The following CNOT4 variants were observed in gnomAD, a reference collection of about 807,000 sequenced individuals.
The protein encoded by CNOT4 is CCR4-NOT transcription complex subunit 4, also known as CCR4-associated factor 4.
A neutral mutation model predicts 73.8 loss-of-function variants in CNOT4; 8 were observed. The observed-to-expected ratio is 0.11, with a 90% CI of 0.06 to 0.20. The LOEUF (loss-of-function observed/expected upper bound fraction) is 0.20. CNOT4 is among the 10% of genes least tolerant of loss of function. The probability of loss-of-function intolerance (pLI) is 1.00; values close to 1 mark genes in which losing one functional copy is unlikely to be tolerated. For missense variants in CNOT4, 564 were observed against 883.4 expected, an observed-to-expected ratio of 0.64 and a Z score of 4.58; for synonymous variants, 293 against 321.1, an observed-to-expected ratio of 0.91 and a Z score of 0.94.
chr7:135,417,559 G>C (rs1419345786), intron 3 of CNOT4, among the ~76,000 whole-genome samples: 2 of 152,138 alleles, frequency 1.3e-5, no homozygotes, highest in Non-Finnish European at 2.9e-5. Flanking sequence ...GCCAACGTTT[G>C]GGTGTAACAC....
At chr7:135,422,648 G>A (rs990606268) in intron 2 of CNOT4, among the ~76,000 whole-genome samples, 23 of 152,278 alleles carry the variant, frequency 1.5e-4, no homozygotes, top group Admixed American at 5.9e-4. Context: ...GTGTCCAACA[G>A]AGTTTATGGG....
intron 1 of CNOT4, among the ~76,000 whole-genome samples, chr7:135,508,021 C>G (rs1303509885): frequency 4.6e-5 from 7 of 152,056 alleles, no homozygotes; most frequent in African/African-American, 1.4e-4. Flanking sequence ...TAAAACAGAC[C>G]ATTTATCACA....
At chr7:135,375,019 C>T (rs1795442117) in intron 10 of CNOT4, among the ~76,000 whole-genome samples, 1 of 152,092 alleles carries the variant, frequency 6.6e-6, no homozygotes, top group African/African-American at 2.4e-5. Context: ...AGGCAAATCA[C>T]GAATGATAAC....
intron 1 of CNOT4, among the ~76,000 whole-genome samples, chr7:135,495,567 T>C (rs1585733271): frequency 7.0e-6 from 1 of 142,742 alleles, no homozygotes. Context: ...TGCCAGCTAC[T>C]TGGGAGGCTG....
intron 1 of CNOT4, among the ~76,000 whole-genome samples, chr7:135,453,633 AAAT>A (rs1264848551): frequency 6.6e-6 from 1 of 151,572 alleles, no homozygotes; most frequent in Non-Finnish European, 1.5e-5. Context: ...GTATCTGGGT[AAAT>A]AATGATTTTT....
At chr7:135,399,470 A>G (rs1039479290) in intron 7 of CNOT4, among the ~76,000 whole-genome samples, 1 of 152,124 alleles carries the variant, frequency 6.6e-6, no homozygotes, top group African/African-American at 2.4e-5. Flanking sequence ...CCACCATTGT[A>G]TATGTGGTCC....
chr7:135,509,235 C>A (rs1804573779), intron 1 of CNOT4: 1 of 152,532 alleles, frequency 6.6e-6, no homozygotes, highest in Non-Finnish European at 1.5e-5. Flanking sequence ...GGAGCATAAT[C>A]TAGATACTTA....
chr7:135,409,653 A>G (rs1374364016), intron 7 of CNOT4, among the ~76,000 whole-genome samples: 1 of 152,132 alleles, frequency 6.6e-6, no homozygotes, highest in African/African-American at 2.4e-5. Context: ...CCTAGACATT[A>G]GGACAACATT....
intron 7 of CNOT4, among the ~76,000 whole-genome samples, chr7:135,402,007 C>T (rs375415985): frequency 3.9e-4 from 59 of 151,990 alleles, no homozygotes; most frequent in East Asian, 3.1e-3. Context: ...AATCCCTGTA[C>T]ATAAAAATTC....
chr7:135,395,914 A>G (rs368236968), intron 8 of CNOT4, 31 bp from the exon 9 acceptor site: 4 of 1,453,960 alleles, frequency 2.8e-6, no homozygotes, highest in Admixed American at 3.5e-5. Context: ...AATAATAACT[A>G]CATGTTTATA....
At chr7:135,368,861 GCA>G (rs778139260) in intron 10 of CNOT4, among the ~76,000 whole-genome samples, 2 of 152,170 alleles carry the variant, frequency 1.3e-5, no homozygotes, top group Non-Finnish European at 2.9e-5. Context: ...GCTTGGGCAA[GCA>G]CACACAGTTA....
intron 9 of CNOT4, among the ~76,000 whole-genome samples, chr7:135,395,140 C>A (rs896628637): frequency 2.2e-4 from 33 of 152,106 alleles, no homozygotes; most frequent in Admixed American, 1.8e-3. Flanking sequence ...GTAATCCCAG[C>A]ACTTTGGAAG....
At position 135,469,850 on chromosome 7, in the gene CNOT4, C is replaced by G. The variant is rs192501503; in HGVS notation, c.-92-31427G>C. ...TGTTTGTTTGTTTTTGAGATGGAGTCTTGATCTGTTGCCCAGGCTGGAGTG... is the reference window on the plus strand; with the variant it reads ...TGTTTGTTTGTTTTTGAGATGGAGTGTTGATCTGTTGCCCAGGCTGGAGTG... On this transcript the variant is annotated intron_variant, in intron 1 of 11. Coordinates refer to ENST00000541284, the MANE Select transcript of CNOT4 (RefSeq NM_001190850.2). Among the ~76,000 whole-genome samples the G allele has an allele frequency of 4.6e-5, 7 of 152,128 alleles. No individual in the cohort carries two copies. In the East Asian group the frequency reaches 1.4e-3, roughly 29 times the overall value.
At chr7:135,434,745 C>G (rs552266480) in intron 2 of CNOT4, among the ~76,000 whole-genome samples, 4 of 152,290 alleles carry the variant, frequency 2.6e-5, no homozygotes, top group Non-Finnish European at 5.9e-5. Context: ...CTCAATATCT[C>G]CACTTAGATT....
chr7:135,439,961 T>C (rs1799374392), intron 1 of CNOT4, among the ~76,000 whole-genome samples: 1 of 151,728 alleles, frequency 6.6e-6, no homozygotes, highest in African/African-American at 2.4e-5. Flanking sequence ...AATGATCTAG[T>C]GATCAATAAA....
At chr7:135,411,005 GTCTTTCATGTAAGAATTAAGTC>G (rs1797561666) in intron 6 of CNOT4, among the ~76,000 whole-genome samples, 1 of 151,832 alleles carries the variant, frequency 6.6e-6, no homozygotes, top group African/African-American at 2.4e-5. Flanking sequence ...CTACTTCCAA[GTCTTTCATGTAAGAATTAAGTC>G]TTGTAACACT....
intron 1 of CNOT4, among the ~76,000 whole-genome samples, chr7:135,493,807 A>G (rs887617235): frequency 6.6e-6 from 1 of 152,218 alleles, no homozygotes. Context: ...GTCTCAGTAC[A>G]AAGGGCCTCC....
rs548847702 is a variant in CNOT4 at position 135,443,652 on chromosome 7, T to C, written c.-92-5229A>G. ...AATTTTTACCTTATTACTTGAGTTCTTGTTCTCTACATCAACTGTAACTAG... is the reference window on the plus strand; with the variant it reads ...AATTTTTACCTTATTACTTGAGTTCCTGTTCTCTACATCAACTGTAACTAG... On this transcript the variant is annotated intron_variant, in intron 1 of 11. Transcript: ENST00000541284. Among the ~76,000 whole-genome samples the C allele has an allele frequency of 1.3e-3, 197 of 152,318 alleles. 3 individuals are homozygous for C. The highest frequency in any genetic ancestry group is 4.3e-3 in the African/African-American group (179 of 41,564).
Position 135,395,816 on chromosome 7 carries a change from C to A in CNOT4, c.947G>T (p.Ser316Ile). 1 of 1,612,734 alleles carries A rather than the reference C, an allele frequency of 6.2e-7. No individual in the cohort carries two copies. The highest frequency in any genetic ancestry group is 8.5e-7 in the Non-Finnish European group (1 of 1,178,746). Residue 316 changes from serine to isoleucine, a missense_variant, in exon 9 of 12, where the codon AGT (serine) becomes ATT (isoleucine). Transcript: ENST00000541284. ...GGACCGTGCACTGTGATTGGATGAA[C>A]TGATGGGGATGACTGGATTGGATTT... ...LSKSNPVIPI[S>I]SSNHSARSPF...
Sources: gnomAD v4.1 joint callset for allele counts (sites outside exome capture counted in the v4.1 genomes callset) on GRCh38, gnomAD v4.1.1 for gene constraint, MANE v1.5 for transcripts, NCBI Gene and HGNC (gene_info 2026-07-23, HGNC 2026-07-21) for gene names.